IL1RAPL1: variants seen among roughly 807,000 people sequenced by gnomAD.
The protein encoded by IL1RAPL1 is interleukin-1 receptor accessory protein-like 1.
IL1RAPL1 carries 3 observed loss-of-function variants against 48.4 expected under a neutral mutation model. The ratio of observed to expected loss-of-function variants is 0.06; its 90% CI spans 0.03 to 0.16. The LOEUF (loss-of-function observed/expected upper bound fraction) is 0.16, where lower values mean the gene tolerates loss of function less well. IL1RAPL1 is among the 10% of genes least tolerant of loss of function. IL1RAPL1 has a pLI of 1.00. For synonymous variants in IL1RAPL1, 185 were observed against 187.7 expected, an observed-to-expected ratio of 0.99 and a Z score of 0.12; for missense variants, 349 against 530.6, an observed-to-expected ratio of 0.66 and a Z score of 3.36.
At chrX:29,272,499 G>A (rs1932056408) in intron 2 of IL1RAPL1, among the ~76,000 whole-genome samples, 1 of 111,486 alleles carries the variant, frequency 9.0e-6, no homozygotes. Flanking sequence ...CTTCTGGCTT[G>A]TAGGGTTTTT....
chrX:28,713,014 G>C (rs1935459043), intron 1 of IL1RAPL1, among the ~76,000 whole-genome samples: 1 of 110,793 alleles, frequency 9.0e-6, no homozygotes, highest in Non-Finnish European at 1.9e-5. Context: ...AAAATTTCTT[G>C]TTCTATAATG....
intron 6 of IL1RAPL1, among the ~76,000 whole-genome samples, chrX:29,691,151 C>A (rs1225125348): frequency 9.0e-6 from 1 of 111,124 alleles, no homozygotes; most frequent in Non-Finnish European, 1.9e-5. Context: ...GTATTGTTTT[C>A]TTCTTCCTTT....
intron 8 of IL1RAPL1, among the ~76,000 whole-genome samples, chrX:29,929,111 G>A (rs1466135609): frequency 8.9e-6 from 1 of 111,877 alleles, no homozygotes; most frequent in Non-Finnish European, 1.9e-5. Flanking sequence ...TATAAAAATA[G>A]AATTTATTTT....
chrX:29,354,201 A>G (rs1348742988), intron 3 of IL1RAPL1, among the ~76,000 whole-genome samples: 1 of 110,888 alleles, frequency 9.0e-6, no homozygotes, highest in African/African-American at 3.3e-5. Flanking sequence ...ACCGATACAG[A>G]TGGTGCTTTA....
At chrX:28,633,896 G>T (rs181669387) in intron 1 of IL1RAPL1, among the ~76,000 whole-genome samples, 2 of 111,762 alleles carry the variant, frequency 1.8e-5, no homozygotes, top group Non-Finnish European at 3.8e-5. Context: ...GGGATGCAAT[G>T]TTATTTTAAT....
chrX:29,512,441 G>A (rs905920808), intron 5 of IL1RAPL1, among the ~76,000 whole-genome samples: 1 of 111,713 alleles, frequency 9.0e-6, no homozygotes, highest in African/African-American at 3.2e-5. Context: ...ATAAAATAAT[G>A]TAATGATGAA....
In IL1RAPL1 at chrX:29,363,515, C is replaced by T. The variant is rs149141944; in HGVS notation, c.363-32743C>T. ...CAGAATTCAAAATTTAGAAAAAATA[C>T]GAATGCAGAAGAAATGGAGTTGTAT... On this transcript the variant is annotated intron_variant, in intron 3 of 10. Transcript: ENST00000378993. Among the ~76,000 whole-genome samples, 277 of 111,409 alleles carry T rather than the reference C, an allele frequency of 2.5e-3. 1 individual carries two copies. Among genetic ancestry groups the T allele is most frequent in the African/African-American group, 8.4e-3 (257 of 30,698 alleles).
chrX:29,006,047 C>T (rs1925969252), intron 2 of IL1RAPL1, among the ~76,000 whole-genome samples: 1 of 111,512 alleles, frequency 9.0e-6, no homozygotes, highest in Non-Finnish European at 1.9e-5. Flanking sequence ...GATCTACATC[C>T]ACCTTCCAGA....
chrX:28,916,671 C>T (rs753622263), intron 2 of IL1RAPL1, among the ~76,000 whole-genome samples: 1 of 111,915 alleles, frequency 8.9e-6, no homozygotes, highest in South Asian at 3.7e-4. Flanking sequence ...GCATATCCAC[C>T]AGATTATCAG....
intron 5 of IL1RAPL1, among the ~76,000 whole-genome samples, chrX:29,555,024 G>T (rs889914746): frequency 8.9e-6 from 1 of 112,529 alleles, no homozygotes; most frequent in Admixed American, 9.4e-5. Context: ...GCAAGTCTGT[G>T]CAGAGTTTAC....
intron 6 of IL1RAPL1, among the ~76,000 whole-genome samples, chrX:29,871,926 G>A (rs1160038228): frequency 9.0e-6 from 1 of 111,080 alleles, no homozygotes; most frequent in Admixed American, 9.6e-5. Context: ...GTTTCGCCAT[G>A]TTGGCCAGGC....
At chrX:28,859,165 T>A (rs964826988) in intron 2 of IL1RAPL1, among the ~76,000 whole-genome samples, 1 of 112,388 alleles carries the variant, frequency 8.9e-6, no homozygotes, top group African/African-American at 3.2e-5. Flanking sequence ...CAACTTATAG[T>A]ACACAGAAAT....
At chrX:29,895,207 G>C (rs1198778527) in intron 6 of IL1RAPL1, among the ~76,000 whole-genome samples, 1 of 111,336 alleles carries the variant, frequency 9.0e-6, no homozygotes, top group Non-Finnish European at 1.9e-5. Context: ...TTTTGGGGAG[G>C]ATAAGTCTTG....
At chrX:28,790,285 A>G (rs1936521046) in intron 2 of IL1RAPL1, among the ~76,000 whole-genome samples, 1 of 112,500 alleles carries the variant, frequency 8.9e-6, no homozygotes, top group African/African-American at 3.2e-5. Context: ...GATAATGTAC[A>G]AGAGGTTGCA....
chrX:29,856,767 C>T (rs1886161980), intron 6 of IL1RAPL1, among the ~76,000 whole-genome samples: 1 of 111,091 alleles, frequency 9.0e-6, no homozygotes, highest in Non-Finnish European at 1.9e-5. Flanking sequence ...TGTAGTTTGC[C>T]AAGATGGATA....
intron 2 of IL1RAPL1, among the ~76,000 whole-genome samples, chrX:28,926,259 T>C (rs758308680): frequency 1.8e-5 from 2 of 112,164 alleles, no homozygotes; most frequent in Non-Finnish European, 3.8e-5. Context: ...TTCTCAACTG[T>C]TCATCTCCCT....
intron 8 of IL1RAPL1, among the ~76,000 whole-genome samples, chrX:29,922,460 G>A (rs776508117): frequency 7.2e-4 from 80 of 111,699 alleles, no homozygotes; most frequent in Non-Finnish European, 1.4e-3. Context: ...TACTCCAAAA[G>A]TCCCTCTTAA....
chrX:29,843,799 C>G (rs865840273), intron 6 of IL1RAPL1, among the ~76,000 whole-genome samples: 7 of 108,145 alleles, frequency 6.5e-5, no homozygotes, highest in South Asian at 4.1e-4. Context: ...CTCTGTGTGT[C>G]TCTCTCTCTC....
At chrX:28,857,150 T>C (rs1363051173) in intron 2 of IL1RAPL1, among the ~76,000 whole-genome samples, 3 of 112,024 alleles carry the variant, frequency 2.7e-5, no homozygotes, top group African/African-American at 9.7e-5. Flanking sequence ...AGCAAGATCC[T>C]AAGTCTGCAA....
Sources: allele counts gnomAD v4.1 joint callset (sites outside exome capture counted in the v4.1 genomes callset), GRCh38; gene constraint gnomAD v4.1.1; transcripts MANE v1.5; gene names NCBI Gene and HGNC (gene_info 2026-07-23, HGNC 2026-07-21).